The following RGS9 variants were observed in gnomAD, a reference collection of about 807,000 sequenced individuals.
RGS9 encodes regulator of G protein signaling 9, also known as regulator of G-protein signalling 9.
In RGS9, 78 loss-of-function variants were observed where a neutral mutation model predicts 102.0. The ratio of observed to expected loss-of-function variants is 0.76; its 90% CI spans 0.64 to 0.92. The LOEUF (loss-of-function observed/expected upper bound fraction) is 0.92. Among genes scored for constraint, RGS9 ranks in the 40% least tolerant of loss-of-function variants. The probability of loss-of-function intolerance (pLI) is 0.00; values close to 1 mark genes in which losing one functional copy is unlikely to be tolerated. For missense variants in RGS9, 833 were observed against 866.1 expected (o/e 0.96, Z 0.48); for synonymous variants, 353 against 318.6 (o/e 1.11, Z -1.15).
intron 2 of RGS9, among the ~76,000 whole-genome samples, chr17:65,154,163 C>T (rs967143220): frequency 1.3e-5 from 2 of 151,582 alleles, no homozygotes; most frequent in African/African-American, 4.9e-5. Flanking sequence ...AAAAATTAGC[C>T]AGGCATGGTG....
At chr17:65,196,092 T>A (rs1912573320) in intron 12 of RGS9, among the ~76,000 whole-genome samples, 1 of 152,244 alleles carries the variant, frequency 6.6e-6, no homozygotes, top group Non-Finnish European at 1.5e-5. Context: ...AAGTATTTAA[T>A]CTCTTTGAGC....
chr17:65,139,323 T>C lies in RGS9; in HGVS notation c.57+1726T>C, dbSNP rs115816952. On this transcript the variant is annotated intron_variant, in intron 1 of 18. Transcript: ENST00000262406. ...CAGCTTTCCTACACACACTGTTTTT[T>C]TCCCCCAAATCAATGGTGACCTCCT... Among the ~76,000 whole-genome samples the C allele has an allele frequency of 2.4e-3, 370 of 151,142 alleles. 3 individuals are homozygous for C. The highest frequency in any genetic ancestry group is 8.7e-3 in the African/African-American group (356 of 41,142).
chr17:65,208,335 G>T (rs906657660), intron 16 of RGS9, among the ~76,000 whole-genome samples: 7 of 152,184 alleles, frequency 4.6e-5, no homozygotes, highest in Non-Finnish European at 8.8e-5. Flanking sequence ...CCTCCAAACT[G>T]ATGTATGGGA....
intron 17 of RGS9, among the ~76,000 whole-genome samples, chr17:65,224,284 G>A (rs1905513074): frequency 6.6e-6 from 1 of 152,130 alleles, no homozygotes; most frequent in African/African-American, 2.4e-5. Context: ...GGGCCATGGT[G>A]GCCCAGGAAG....
At chr17:65,190,539 C>T (rs965013999) in intron 11 of RGS9, among the ~76,000 whole-genome samples, 13 of 152,152 alleles carry the variant, frequency 8.5e-5, no homozygotes, top group Admixed American at 5.9e-4. Context: ...GGACTGTAGA[C>T]CCTGTGAGGA....
At chr17:65,211,457 T>C (rs558697548) in intron 17 of RGS9, among the ~76,000 whole-genome samples, 7 of 152,216 alleles carry the variant, frequency 4.6e-5, no homozygotes, top group Non-Finnish European at 1.0e-4. Flanking sequence ...ATTGATGTCT[T>C]CATTCATGGG....
rs116362864 is a variant in RGS9, at chr17:65,211,135, T to A, written c.1407+530T>A. ...GTTTTTCAGGGAGATTTGTTTAAAA[T>A]AGCTTTATGAAGCTCCTCATCCTAT... On this transcript the variant is annotated intron_variant, in intron 17 of 18. Transcript: ENST00000262406. 9.0e-3 allele frequency among the ~76,000 whole-genome samples: 1,370 copies of A among 152,320 alleles called. 22 individuals are homozygous for A. The highest frequency in any genetic ancestry group is 0.032 in the African/African-American group (1,318 of 41,582).
At chr17:65,183,087 TCTATCTATCTATCTATCTATCTAC>T (rs1164816197) in intron 9 of RGS9, among the ~76,000 whole-genome samples, 1 of 150,744 alleles carries the variant, frequency 6.6e-6, no homozygotes, top group East Asian at 2.0e-4. Context: ...TATCTATCTA[TCTATCTATCTATCTATCTATCTAC>T]CTACCTACCT....
At position 65,197,139 on chromosome 17, in the gene RGS9, A is replaced by G. The variant is rs754026010; in HGVS notation, c.874A>G (p.Thr292Ala). Reference sequence around the variant, plus strand: ...TCATCCTTGCAGGGTGGAAATCCCAACCAAGATGCGAGTGGAACGATGGGC... The same window carrying G: ...TCATCCTTGCAGGGTGGAAATCCCAGCCAAGATGCGAGTGGAACGATGGGC... The part of the protein sequence containing the change: ...DLNAKLVEIP[T>A]KMRVERWAFN... The change falls in exon 13 of 19, where the codon ACC (threonine) becomes GCC (alanine). Residue 292 changes from threonine to alanine, a missense_variant. Thr to Ala is a moderately conservative substitution (Grantham distance 58, BLOSUM62 0). Coordinates refer to ENST00000262406, the MANE Select transcript of RGS9 (RefSeq NM_003835.4). 6.2e-7 allele frequency: 1 copy of G among 1,613,360 alleles called. No individual in the cohort carries two copies. Among genetic ancestry groups the G allele is most frequent in the South Asian group, 1.1e-5 (1 of 90,918 alleles).
chr17:65,204,431 C>T, intron 15 of RGS9, 130 bp downstream of exon 15: 1 of 1,101,478 alleles, frequency 9.1e-7, no homozygotes. Context: ...TGGCATGCAG[C>T]TAAGCATGGG....
chr17:65,153,205 C>T (rs1910644834), intron 1 of RGS9, among the ~76,000 whole-genome samples: 1 of 152,184 alleles, frequency 6.6e-6, no homozygotes, highest in Non-Finnish European at 1.5e-5. Flanking sequence ...GATGAATCTG[C>T]GAGTCTTCAC....
intron 1 of RGS9, among the ~76,000 whole-genome samples, chr17:65,139,510 C>T (rs749587773): frequency 6.6e-6 from 1 of 151,284 alleles, no homozygotes; most frequent in Non-Finnish European, 1.5e-5. Flanking sequence ...CAGCCACAGG[C>T]ACCCCTGGGC....
intron 8 of RGS9, among the ~76,000 whole-genome samples, chr17:65,172,320 C>T (rs974302176): frequency 3.3e-5 from 5 of 152,210 alleles, no homozygotes; most frequent in Non-Finnish European, 7.3e-5. Context: ...TCTCCTGAAT[C>T]AGCCTCCTGA....
chr17:65,161,867 C>A (rs1360490626), intron 6 of RGS9, among the ~76,000 whole-genome samples: 1 of 151,756 alleles, frequency 6.6e-6, no homozygotes. Flanking sequence ...CACCACCATA[C>A]CCAGCTAATT....
rs373515550 is a variant in RGS9 at position 65,225,432 on chromosome 17, C to T, written c.1838C>T (p.Pro613Leu). The change falls in exon 18 of 19, where the codon CCC becomes CTC. Residue 613 changes from proline to leucine, a missense_variant. Around this residue, in one of 3 missense-constraint regions of RGS9, gnomAD observed 320 missense variants for 276.8 expected, o/e 1.16. Transcript: ENST00000262406. ...GCTGTGTCCCACGGGAGGGTGCAGC[C>T]CCTGGGGGACGTGGGCCAGCAGCTG... ...CPAVSHGRVQ[P>L]LGDVGQQLPR... 7.5e-6 allele frequency: 12 copies of T among 1,608,782 alleles called. No individual in the cohort carries two copies. Among genetic ancestry groups the T allele is most frequent in the Non-Finnish European group, 8.5e-6 (10 of 1,180,030 alleles).
At position 65,171,452 on chromosome 17, in the gene RGS9, C is replaced by T. The variant is rs79964489; in HGVS notation, c.582+3171C>T. Among the ~76,000 whole-genome samples the T allele has an allele frequency of 1.7e-3, 252 of 152,264 alleles. 6 individuals are homozygous for T. In the East Asian group the frequency reaches 0.047, roughly 28 times the overall value. On this transcript the variant is annotated intron_variant, in intron 8 of 18. Transcript: ENST00000262406. ...GCCACATCTTTCTGATGGTAAAGCC[C>T]GATATTCTGCTTCTGTGCAAGGAGG...
At chr17:65,224,143 G>A (rs754350814) in intron 17 of RGS9, among the ~76,000 whole-genome samples, 3 of 152,144 alleles carry the variant, frequency 2.0e-5, no homozygotes, top group Non-Finnish European at 2.9e-5. Flanking sequence ...AGTGTGTTCC[G>A]CCATGGGAAA....
At chr17:65,191,893 T>C (rs1259747004) in intron 11 of RGS9, among the ~76,000 whole-genome samples, 1 of 152,220 alleles carries the variant, frequency 6.6e-6, no homozygotes, top group Non-Finnish European at 1.5e-5. Flanking sequence ...ATGGATCCTG[T>C]TCTGTCCAAA....
At chr17:65,143,255 A>T (rs914592374) in intron 1 of RGS9, among the ~76,000 whole-genome samples, 2 of 152,138 alleles carry the variant, frequency 1.3e-5, no homozygotes, top group African/African-American at 2.4e-5. Flanking sequence ...ACCAACCCCC[A>T]AAGAATGATC....
Sources: allele counts gnomAD v4.1 joint callset (sites outside exome capture counted in the v4.1 genomes callset), GRCh38; gene constraint gnomAD v4.1.1; regional missense constraint gnomAD v4.1.1; transcripts MANE v1.5; gene names NCBI Gene and HGNC (gene_info 2026-07-23, HGNC 2026-07-21).